Variants in ASIC2 observed in about 807,000 individuals in gnomAD.
ASIC2 encodes the protein acid sensing ion channel subunit 2, also known as acid-sensing ion channel 2.
A neutral mutation model predicts 57.3 loss-of-function variants in ASIC2; 25 were observed. The observed-to-expected ratio is 0.44, with a 90% CI of 0.32 to 0.61. The LOEUF is 0.61. Among genes scored for constraint, ASIC2 ranks in the 20% least tolerant of loss-of-function variants. ASIC2 has a pLI of 0.06. For missense variants in ASIC2, 641 were observed against 738.1 expected, an observed-to-expected ratio of 0.87 and a Z score of 1.52; for synonymous variants, 319 against 307.5, an observed-to-expected ratio of 1.04 and a Z score of -0.39.
intron 1 of ASIC2, among the ~76,000 whole-genome samples, chr17:33,117,920 T>C (rs149921195): frequency 1.3e-5 from 2 of 152,276 alleles, no homozygotes; most frequent in Non-Finnish European, 2.9e-5. Context: ...GTCCACACAA[T>C]ACCAAGCTCA....
rs934893609 is a variant in ASIC2, at chr17:33,728,418, T to A, written c.555+427560A>T. On this transcript the variant is annotated intron_variant, in intron 1 of 9. Transcript: ENST00000359872. ...TTAATGGTCAGCTTCTGTGATCTTGTTTTAACAGGGCAAAGATAAAGCACA... is the reference window on the plus strand; with the variant it reads ...TTAATGGTCAGCTTCTGTGATCTTGATTTAACAGGGCAAAGATAAAGCACA... 5.9e-5 allele frequency among the ~76,000 whole-genome samples: 9 copies of A among 152,298 alleles called. No homozygotes were observed. In the South Asian group the frequency reaches 1.9e-3, roughly 32 times the overall value.
At chr17:34,037,559 G>A (rs1006033429) in intron 1 of ASIC2, 37 of 1,390,454 alleles carry the variant, frequency 2.7e-5, no homozygotes, top group Middle Eastern at 1.9e-4. Flanking sequence ...TTCCAAACCC[G>A]CTGCTGAACG....
At chr17:33,272,874 G>A (rs752516035) in intron 1 of ASIC2, among the ~76,000 whole-genome samples, 1 of 152,142 alleles carries the variant, frequency 6.6e-6, no homozygotes, top group Non-Finnish European at 1.5e-5. Context: ...ACTGAGCCCT[G>A]GGAGGAGAGA....
chr17:33,797,426 T>C (rs1911949288), intron 1 of ASIC2, among the ~76,000 whole-genome samples: 1 of 152,124 alleles, frequency 6.6e-6, no homozygotes, highest in Non-Finnish European at 1.5e-5. Flanking sequence ...GCAGAATGGC[T>C]GGGGGAAATA....
At chr17:33,312,085 T>C (rs1296914962) in intron 1 of ASIC2, among the ~76,000 whole-genome samples, 3 of 152,244 alleles carry the variant, frequency 2.0e-5, no homozygotes, top group Non-Finnish European at 4.4e-5. Flanking sequence ...ATTGCATATG[T>C]GACCTTGGGT....
chr17:33,208,201 A>G (rs1301847490), intron 1 of ASIC2, among the ~76,000 whole-genome samples: 1 of 152,196 alleles, frequency 6.6e-6, no homozygotes, highest in Non-Finnish European at 1.5e-5. Flanking sequence ...GGGAAGGTGC[A>G]TCTTACCTGC....
intron 1 of ASIC2, among the ~76,000 whole-genome samples, chr17:33,151,789 C>T (rs1260512454): frequency 6.6e-6 from 1 of 152,192 alleles, no homozygotes; most frequent in Admixed American, 6.5e-5. Flanking sequence ...GCTCTTCGAC[C>T]TTGGACTTCC....
chr17:34,056,073 C>T (rs746863896), intron 1 of ASIC2, among the ~76,000 whole-genome samples: 8 of 151,844 alleles, frequency 5.3e-5, no homozygotes, highest in South Asian at 2.1e-4. Flanking sequence ...TTGATAAATA[C>T]GGTCAAGAAT....
chr17:33,591,359 G>A (rs113079798), intron 1 of ASIC2, among the ~76,000 whole-genome samples: 1,763 of 152,250 alleles, frequency 0.012, 32 homozygotes, highest in African/African-American at 0.041. Flanking sequence ...GCTCAGAATG[G>A]CAAATAGATG....
At chr17:33,839,108 GC>G (rs1913352392) in intron 1 of ASIC2, among the ~76,000 whole-genome samples, 1 of 152,208 alleles carries the variant, frequency 6.6e-6, no homozygotes, top group Admixed American at 6.5e-5. Context: ...CTTAGAAGGA[GC>G]CATCTGACTA....
chr17:33,943,802 C>G (rs1423235680), intron 1 of ASIC2, among the ~76,000 whole-genome samples: 3 of 151,808 alleles, frequency 2.0e-5, no homozygotes, highest in African/African-American at 7.3e-5. Context: ...CACCTGATCT[C>G]TTAATCCACA....
chr17:34,103,692 G>A (rs1910944727), intron 1 of ASIC2, among the ~76,000 whole-genome samples: 1 of 151,912 alleles, frequency 6.6e-6, no homozygotes, highest in African/African-American at 2.4e-5. Flanking sequence ...TGTTGTTTCA[G>A]CACAATTTGT....
intron 1 of ASIC2, among the ~76,000 whole-genome samples, chr17:33,821,680 T>C (rs1912749925): frequency 6.6e-6 from 1 of 152,232 alleles, no homozygotes; most frequent in Non-Finnish European, 1.5e-5. Context: ...ATTTCTCCTA[T>C]TTATCCCCAA....
intron 3 of ASIC2, among the ~76,000 whole-genome samples, chr17:33,043,465 T>C (rs1452100471): frequency 6.6e-6 from 1 of 151,754 alleles, no homozygotes; most frequent in East Asian, 1.9e-4. Context: ...GGGTGCTCTA[T>C]AAGGCAAACC....
At chr17:33,693,805 G>A (rs893019006) in intron 1 of ASIC2, among the ~76,000 whole-genome samples, 2 of 152,212 alleles carry the variant, frequency 1.3e-5, no homozygotes, top group Non-Finnish European at 2.9e-5. Context: ...AGGTGAAAGG[G>A]CTGTGAGTAC....
At chr17:33,865,255 A>G (rs1312798727) in intron 1 of ASIC2, among the ~76,000 whole-genome samples, 1 of 152,220 alleles carries the variant, frequency 6.6e-6, no homozygotes, top group East Asian at 1.9e-4. Context: ...GATGGTTCCA[A>G]TTATGTGAAT....
At chr17:33,164,584 A>G (rs1272076489) in intron 1 of ASIC2, among the ~76,000 whole-genome samples, 4 of 151,060 alleles carry the variant, frequency 2.6e-5, no homozygotes, top group East Asian at 2.0e-4. Context: ...ACGCACACAC[A>G]CACACACACA....
chr17:33,947,933 T>C (rs1904436078), intron 1 of ASIC2, among the ~76,000 whole-genome samples: 1 of 152,234 alleles, frequency 6.6e-6, no homozygotes, highest in Non-Finnish European at 1.5e-5. Context: ...TTCTAGGTAT[T>C]TTAGATGATT....
At chr17:34,112,941 C>G (rs1306522198) in intron 1 of ASIC2, among the ~76,000 whole-genome samples, 1 of 152,122 alleles carries the variant, frequency 6.6e-6, no homozygotes, top group Non-Finnish European at 1.5e-5. Flanking sequence ...CCCTATTTCC[C>G]AAATCAAGAG....
Sources: gnomAD v4.1 joint callset for allele counts (sites outside exome capture counted in the v4.1 genomes callset) on GRCh38, gnomAD v4.1.1 for gene constraint, MANE v1.5 for transcripts, NCBI Gene and HGNC (gene_info 2026-07-23, HGNC 2026-07-21) for gene names.